The following KCNH8 variants were observed in gnomAD, a reference collection of about 807,000 sequenced individuals.
KCNH8 encodes potassium voltage-gated channel subfamily H member 8.
KCNH8 carries 70 observed loss-of-function variants against 103.6 expected under a neutral mutation model. That is an observed-to-expected ratio of 0.68 (90% CI 0.56 to 0.82). KCNH8 has a LOEUF of 0.82. Among genes scored for constraint, KCNH8 ranks in the 40% least tolerant of loss-of-function variants. The probability of loss-of-function intolerance (pLI) is 0.00; values close to 1 mark genes in which losing one functional copy is unlikely to be tolerated. For synonymous variants in KCNH8, 498 were observed against 489.4 expected (o/e 1.02, Z -0.23); for missense variants, 1,217 against 1,329.9 (o/e 0.92, Z 1.32).
intron 5 of KCNH8, among the ~76,000 whole-genome samples, chr3:19,356,306 T>C (rs2065881588): frequency 1.3e-5 from 2 of 152,044 alleles, no homozygotes; most frequent in Admixed American, 1.3e-4. Context: ...CTCTCAAATT[T>C]ATTTTTACCT....
chr3:19,341,334 A>G (rs1422793057), intron 3 of KCNH8, among the ~76,000 whole-genome samples: 4 of 152,066 alleles, frequency 2.6e-5, no homozygotes, highest in Admixed American at 6.6e-5. Context: ...TCAGGAGACT[A>G]TCTTTCACTA....
At chr3:19,475,971 A>C (rs1442424206) in intron 11 of KCNH8, among the ~76,000 whole-genome samples, 1 of 152,188 alleles carries the variant, frequency 6.6e-6, no homozygotes, top group Non-Finnish European at 1.5e-5. Context: ...ATACTGTAGT[A>C]TAAGAAGATT....
chr3:19,383,823 A>C (rs1013626224), intron 5 of KCNH8, among the ~76,000 whole-genome samples: 3 of 152,150 alleles, frequency 2.0e-5, no homozygotes, highest in African/African-American at 7.2e-5. Flanking sequence ...TAAACTTGGA[A>C]ACTTTACCAC....
At chr3:19,199,274 A>G (rs1015821193) in intron 1 of KCNH8, among the ~76,000 whole-genome samples, 3 of 152,106 alleles carry the variant, frequency 2.0e-5, no homozygotes, top group Admixed American at 2.0e-4. Context: ...GTGCTTTTAG[A>G]ACAGTAAGTT....
At chr3:19,282,711 G>T (rs911219951) in intron 3 of KCNH8, among the ~76,000 whole-genome samples, 1 of 152,040 alleles carries the variant, frequency 6.6e-6, no homozygotes, top group African/African-American at 2.4e-5. Context: ...TATGTCTCGT[G>T]TTAGGGGAGA....
intron 1 of KCNH8, among the ~76,000 whole-genome samples, chr3:19,243,032 A>G (rs148458582): frequency 6.6e-6 from 1 of 152,320 alleles, no homozygotes; most frequent in Non-Finnish European, 1.5e-5. Context: ...TTTCTGAGCC[A>G]AAGTTTCTTC....
chr3:19,228,347 T>G (rs2063955473), intron 1 of KCNH8, among the ~76,000 whole-genome samples: 1 of 152,224 alleles, frequency 6.6e-6, no homozygotes, highest in Non-Finnish European at 1.5e-5. Flanking sequence ...ACGGAAGAAT[T>G]TGCTAATCCC....
At chr3:19,531,600 T>G (rs906628421) in intron 15 of KCNH8, among the ~76,000 whole-genome samples, 19 of 152,330 alleles carry the variant, frequency 1.2e-4, no homozygotes, top group African/African-American at 3.6e-4. Flanking sequence ...GTGTTACCAG[T>G]TGGTTGCCCA....
At chr3:19,368,677 C>T (rs9310595) in intron 5 of KCNH8, among the ~76,000 whole-genome samples, 68,652 of 151,560 alleles carry the variant, frequency 0.45, 16,433 homozygotes, top group African/African-American at 0.61. Context: ...GTGCTAGATA[C>T]CTAGTATCTG....
At chr3:19,258,905 TTCTC>T (rs755488116) in intron 2 of KCNH8, among the ~76,000 whole-genome samples, 2,104 of 42,682 alleles carry the variant, frequency 0.049, 99 homozygotes, top group Middle Eastern at 0.071. Context: ...TATTTTCTGT[TTCTC>T]TCTCTCTCTC....
At chr3:19,502,191 A>T (rs1213640371) in intron 11 of KCNH8, among the ~76,000 whole-genome samples, 8 of 150,912 alleles carry the variant, frequency 5.3e-5, no homozygotes, top group African/African-American at 2.0e-4. Flanking sequence ...AAGAGAATAA[A>T]ATACCTAGGA....
intron 15 of KCNH8, among the ~76,000 whole-genome samples, chr3:19,524,393 A>G (rs1355283393): frequency 6.6e-6 from 1 of 151,866 alleles, no homozygotes; most frequent in East Asian, 1.9e-4. Flanking sequence ...TAATTTTTAG[A>G]TATGTGTTAT....
At chr3:19,207,027 T>C (rs888623354) in intron 1 of KCNH8, among the ~76,000 whole-genome samples, 1 of 151,808 alleles carries the variant, frequency 6.6e-6, no homozygotes. Context: ...CAGTGGAAAA[T>C]GCATACCTGA....
chr3:19,490,644 T>G (rs542567480), intron 11 of KCNH8, among the ~76,000 whole-genome samples: 1 of 152,292 alleles, frequency 6.6e-6, no homozygotes, highest in African/African-American at 2.4e-5. Context: ...TTTTACTTTT[T>G]CTTTCTTTGG....
intron 3 of KCNH8, among the ~76,000 whole-genome samples, chr3:19,302,859 A>G (rs1488003506): frequency 2.0e-5 from 3 of 152,212 alleles, no homozygotes; most frequent in Non-Finnish European, 4.4e-5. Context: ...AATAGCTTTT[A>G]AGTGTCTCCA....
At chr3:19,292,050 A>G (rs568990523) in intron 3 of KCNH8, among the ~76,000 whole-genome samples, 53 of 152,324 alleles carry the variant, frequency 3.5e-4, no homozygotes, top group Admixed American at 2.8e-3. Context: ...CATTTTTCAC[A>G]GCAGTTCATT....
intron 2 of KCNH8, among the ~76,000 whole-genome samples, chr3:19,258,927 CTCTCTCTCTCTCTCTCTCTCTATATATA>C (rs1249483531): frequency 1.2e-5 from 1 of 81,186 alleles, no homozygotes; most frequent in African/African-American, 4.9e-5. Context: ...CTCTCTCTCT[CTCTCTCTCTCTCTCTCTCTCTATATATA>C]TATATATATA....
chr3:19,509,170 G>T (rs2068743310), intron 11 of KCNH8, among the ~76,000 whole-genome samples: 1 of 152,150 alleles, frequency 6.6e-6, no homozygotes, highest in Non-Finnish European at 1.5e-5. Flanking sequence ...GCATATTAAG[G>T]CGGCTAAGCA....
chr3:19,316,932 C>T lies in KCNH8; in HGVS notation c.443-25655C>T, dbSNP rs373427002. ...GATGCTTTGAAATTGGATGAATAGG[C>T]GGAATCTATTCATTGATCTTACAGA... On this transcript the variant is annotated intron_variant, in intron 3 of 15. Coordinates refer to ENST00000328405, the MANE Select transcript of KCNH8 (RefSeq NM_144633.3). Among the ~76,000 whole-genome samples, 8 of 151,808 alleles carry T rather than the reference C, an allele frequency of 5.3e-5. No homozygotes were observed. In the East Asian group the frequency reaches 5.8e-4, roughly 11 times the overall value.
Sources: gnomAD v4.1 joint callset for allele counts (sites outside exome capture counted in the v4.1 genomes callset) on GRCh38, gnomAD v4.1.1 for gene constraint, MANE v1.5 for transcripts, NCBI Gene and HGNC (gene_info 2026-07-23, HGNC 2026-07-21) for gene names.